Variants in ACTR1A observed in about 807,000 individuals in gnomAD.
The protein encoded by ACTR1A is actin related protein 1A.
A neutral mutation model predicts 50.7 loss-of-function variants in ACTR1A; 10 were observed. That is an observed-to-expected ratio of 0.20 (90% confidence interval 0.12 to 0.33). ACTR1A has a LOEUF of 0.33. Ranked by LOEUF, ACTR1A falls within the 10% of genes least tolerant of loss-of-function variation. The probability of loss-of-function intolerance (pLI) is 1.00; values close to 1 mark genes in which losing one functional copy is unlikely to be tolerated. For synonymous variants in ACTR1A, 177 were observed against 184.2 expected, an observed-to-expected ratio of 0.96 and a Z score of 0.32; for missense variants, 253 against 491.7, an observed-to-expected ratio of 0.51 and a Z score of 4.59.
chr10:102,498,920 A>G (rs1480769115), intron 1 of ACTR1A, among the ~76,000 whole-genome samples: 2 of 152,178 alleles, frequency 1.3e-5, no homozygotes, highest in Admixed American at 6.5e-5. Flanking sequence ...TTTAAAAAAT[A>G]TCTATCATCA....
In ACTR1A at chr10:102,483,123, A is replaced by G. The variant is rs1418276663; in HGVS notation, c.658-20T>C. Reference sequence around the variant, plus strand: ...GGCTCTCTGCAGATCCAAGCAAGACAGTCAGGCTGGCAGGAAATCTGGTGC... The same window carrying G: ...GGCTCTCTGCAGATCCAAGCAAGACGGTCAGGCTGGCAGGAAATCTGGTGC... On this transcript the variant is annotated intron_variant, in intron 6 of 10. Transcript: ENST00000369905. 2.5e-6 allele frequency: 4 copies of G among 1,592,404 alleles called. No individual in the cohort carries two copies. The highest frequency in any genetic ancestry group is 3.4e-6 in the Non-Finnish European group (4 of 1,160,204).
At position 102,489,067 on chromosome 10, in the gene ACTR1A, G is replaced by A. The variant is rs761796288; in HGVS notation, c.185C>T (p.Ala62Val). 3 of 1,579,796 alleles carry A rather than the reference G, an allele frequency of 1.9e-6. No individual in the cohort carries two copies. Among genetic ancestry groups the A allele is most frequent in the East Asian group, 2.4e-5 (1 of 41,734 alleles). The change falls in exon 3 of 11, where the codon GCT becomes GTT. Residue 62 changes from alanine (A) to valine (V), a missense_variant. Transcript: ENST00000369905. The part of the protein sequence containing the change: ...LEGDIFIGPK[A>V]EEHRGLLSIR... ...TTCTGTAGGCCTGGGAATTACCTCAGCTTTGGGGCCAATGAAGATGTCGCC... is the reference window on the plus strand; with the variant it reads ...TTCTGTAGGCCTGGGAATTACCTCAACTTTGGGGCCAATGAAGATGTCGCC...
chr10:102,498,009 T>A (rs1337348882), intron 1 of ACTR1A, among the ~76,000 whole-genome samples: 1 of 151,280 alleles, frequency 6.6e-6, no homozygotes, highest in Non-Finnish European at 1.5e-5. Context: ...GAGGATTGCT[T>A]AAGCTTGGCA....
At chr10:102,486,163 G>A (rs1455988125) in intron 4 of ACTR1A, among the ~76,000 whole-genome samples, 1 of 152,172 alleles carries the variant, frequency 6.6e-6, no homozygotes. Context: ...CCTCCCATCA[G>A]ATCATCCAAG....
chr10:102,502,435 C>T (rs2062262159), intron 1 of ACTR1A, among the ~76,000 whole-genome samples, 165 bp downstream of exon 1: 1 of 152,264 alleles, frequency 6.6e-6, no homozygotes, highest in Non-Finnish European at 1.5e-5. Context: ...GGCCGCCTTG[C>T]CTGCGGACTA....
chr10:102,493,874 A>C (rs2062206892), intron 1 of ACTR1A, among the ~76,000 whole-genome samples: 2 of 152,360 alleles, frequency 1.3e-5, no homozygotes, highest in Admixed American at 1.3e-4. Flanking sequence ...AAATGACAGA[A>C]GCCCCAGGCA....
At chr10:102,497,652 AT>A (rs11333978) in intron 1 of ACTR1A, among the ~76,000 whole-genome samples, 46,692 of 150,380 alleles carry the variant, frequency 0.31, 7,467 homozygotes, top group Admixed American at 0.36. Context: ...AAGGAGCACA[AT>A]TTTTTTTTTT....
At chr10:102,498,945 T>C (rs2062234937) in intron 1 of ACTR1A, among the ~76,000 whole-genome samples, 1 of 152,128 alleles carries the variant, frequency 6.6e-6, no homozygotes, top group South Asian at 2.1e-4. Flanking sequence ...GCTTCTTGGG[T>C]GATTAAAAAA....
Position 102,488,113 on chromosome 10 carries a change from A to AT in ACTR1A, c.315+36dup. 2 of 1,582,496 alleles carry AT rather than the reference A, an allele frequency of 1.3e-6. No homozygotes were observed. The highest frequency in any genetic ancestry group is 4.5e-5 in the East Asian group (2 of 44,016). ...GGGTAGGAGTTTGACACAGCTTTGC[A>AT]TACCCTACAGGAGTGCCCTACACAC... On this transcript the variant is annotated intron_variant, in intron 4 of 10. Coordinates refer to ENST00000369905, the MANE Select transcript of ACTR1A (RefSeq NM_005736.4). This position sits in a 1 kb window ranked among gnomAD's most constrained non-coding sequence, Gnocchi z 4.4.
intron 1 of ACTR1A, among the ~76,000 whole-genome samples, chr10:102,498,495 A>C (rs1223557331): frequency 6.6e-6 from 1 of 152,160 alleles, no homozygotes; most frequent in Non-Finnish European, 1.5e-5. Flanking sequence ...GCAAAACTGT[A>C]AACTTAGAGT....
chr10:102,481,803 G>T, intron 9 of ACTR1A, 34 bp downstream of exon 9: 1 of 1,611,368 alleles, frequency 6.2e-7, no homozygotes, highest in Non-Finnish European at 8.5e-7. Flanking sequence ...TGGAAGCCTA[G>T]TTCCACCCAG....
intron 2 of ACTR1A, 130 bp from the exon 3 acceptor site, chr10:102,489,268 G>C: frequency 2.0e-6 from 1 of 508,328 alleles, no homozygotes; most frequent in Non-Finnish European, 3.2e-6. Context: ...AGTTGATTTT[G>C]ATTTTCTTCT....
chr10:102,500,368 G>C (rs1218953351), intron 1 of ACTR1A, among the ~76,000 whole-genome samples: 1 of 152,074 alleles, frequency 6.6e-6, no homozygotes, highest in African/African-American at 2.4e-5. Context: ...AGGAGATCGA[G>C]ACCATCCTGG....
intron 6 of ACTR1A, 93 bp from the exon 7 acceptor site, chr10:102,483,196 G>A (rs1036922181): frequency 6.2e-6 from 6 of 973,910 alleles, no homozygotes; most frequent in Non-Finnish European, 1.0e-5. Context: ...GCACAAACCT[G>A]TCTAAACGTT....
At chr10:102,502,286 T>C (rs2062260162) in intron 1 of ACTR1A, among the ~76,000 whole-genome samples, 2 of 151,842 alleles carry the variant, frequency 1.3e-5, no homozygotes, top group South Asian at 2.1e-4. Context: ...AATAGAGCGA[T>C]CGGAAATGGG....
Position 102,482,887 on chromosome 10 carries a change from G to A in ACTR1A, c.750+124C>T. On this transcript the variant is annotated intron_variant, in intron 7 of 10. Transcript: ENST00000369905. This position sits in a 1 kb window ranked among gnomAD's most constrained non-coding sequence, Gnocchi z 5.6. ...GGGCCACGTGCAGCCCATGGGCCAG[G>A]GGTTGGACAAGCTTGGTGTAAAGGG... is the stretch of plus-strand genomic sequence containing the variant. 2 of 777,226 alleles carry A rather than the reference G, an allele frequency of 2.6e-6. No individual in the cohort carries two copies. Among genetic ancestry groups the A allele is most frequent in the South Asian group, 3.1e-5 (2 of 65,198 alleles). 48.1% of individuals were successfully genotyped at this position (777,226 alleles called of 1,614,324 possible). A position where few individuals can be genotyped will look rare whatever the true frequency, so the allele number is the denominator to read the frequency against.
intron 1 of ACTR1A, among the ~76,000 whole-genome samples, chr10:102,500,525 C>T (rs1267326803): frequency 6.6e-6 from 1 of 152,014 alleles, no homozygotes; most frequent in Admixed American, 6.6e-5. Context: ...GCCGAGATCG[C>T]GCCACTGCAC....
At chr10:102,499,432 T>C (rs1218092113) in intron 1 of ACTR1A, among the ~76,000 whole-genome samples, 2 of 152,158 alleles carry the variant, frequency 1.3e-5, no homozygotes, top group Non-Finnish European at 2.9e-5. Context: ...GCAGAAATAC[T>C]GGCATAATAA....
intron 4 of ACTR1A, among the ~76,000 whole-genome samples, chr10:102,486,194 T>C (rs1476450952): frequency 1.3e-5 from 2 of 151,702 alleles, no homozygotes; most frequent in African/African-American, 2.4e-5. Context: ...CTCATAGGAG[T>C]GTGAACCCTA....
Sources: allele counts gnomAD v4.1 joint callset (sites outside exome capture counted in the v4.1 genomes callset), GRCh38; gene constraint gnomAD v4.1.1; non-coding constraint Gnocchi (gnomAD v3.1); transcripts MANE v1.5; gene names NCBI Gene and HGNC (gene_info 2026-07-23, HGNC 2026-07-21).